NFATC2: variants seen among roughly 807,000 people sequenced by gnomAD.
NFATC2 encodes the protein nuclear factor of activated T cells 2.
NFATC2 carries 22 observed loss-of-function variants against 87.3 expected under a neutral mutation model. The ratio of observed to expected loss-of-function variants is 0.25; its 90% CI spans 0.18 to 0.36. The LOEUF (loss-of-function observed/expected upper bound fraction) is 0.36, where lower values mean the gene tolerates loss of function less well. Ranked by LOEUF, NFATC2 falls within the 10% of genes least tolerant of loss-of-function variation. The pLI is 1.00. For missense variants in NFATC2, 1,149 were observed against 1,259.1 expected (o/e 0.91, Z 1.32); for synonymous variants, 565 against 542.2 (o/e 1.04, Z -0.58).
chr20:51,560,077 A>T (rs965715053), intron 1 of NFATC2, among the ~76,000 whole-genome samples: 2 of 152,230 alleles, frequency 1.3e-5, no homozygotes, highest in Non-Finnish European at 2.9e-5. Context: ...CAGTTTCTCC[A>T]CAGCCTCAGT....
chr20:51,465,585 C>T (rs552704257), intron 5 of NFATC2, among the ~76,000 whole-genome samples: 1 of 152,232 alleles, frequency 6.6e-6, no homozygotes, highest in East Asian at 1.9e-4. Context: ...TGCCTCAGGG[C>T]CTTTGTACTG....
chr20:51,527,063 T>C (rs1048466968), intron 1 of NFATC2, among the ~76,000 whole-genome samples: 1 of 151,772 alleles, frequency 6.6e-6, no homozygotes, highest in Non-Finnish European at 1.5e-5. Context: ...CGGGCTCAGC[T>C]AATTTTTTTT....
chr20:51,508,583 C>T (rs920160092), intron 3 of NFATC2, among the ~76,000 whole-genome samples: 13 of 152,264 alleles, frequency 8.5e-5, no homozygotes, highest in African/African-American at 3.1e-4. Flanking sequence ...ACACACCCCG[C>T]TCTGCTACTC....
chr20:51,540,663 T>TTTTTTGTTTTGTTTG lies in NFATC2; in HGVS notation c.130+1706_130+1707insCAAACAAAACAAAAA, dbSNP rs1202461916. Among the ~76,000 whole-genome samples the TTTTTTGTTTTGTTTG allele has an allele frequency of 3.7e-5, 5 of 135,772 alleles. No homozygotes were observed. In the East Asian group the frequency reaches 9.2e-4, roughly 25 times the overall value. 89.1% of individuals were successfully genotyped at this position (135,772 alleles called of 152,430 possible). A position where few individuals can be genotyped will look rare whatever the true frequency, so the allele number is the denominator to read the frequency against. On this transcript the variant is annotated intron_variant, in intron 1 of 10. Coordinates refer to ENST00000371564, the MANE Select transcript of NFATC2 (RefSeq NM_012340.5). ...AAAACTGAAGTTTTTTTTTTGTTTT[T>TTTTTTGTTTTGTTTG]TTTTTTTTGAGAAAACAGATTCCAG...
upstream of NFATC2, among the ~76,000 whole-genome samples, chr20:51,545,517 G>C (rs139621130): frequency 6.6e-6 from 1 of 152,374 alleles, no homozygotes; most frequent in East Asian, 1.9e-4. Context: ...TGCAATGGAT[G>C]TGTGGATAAA....
At chr20:51,508,213 C>A (rs1445694481) in intron 3 of NFATC2, among the ~76,000 whole-genome samples, 5 of 152,084 alleles carry the variant, frequency 3.3e-5, no homozygotes, top group African/African-American at 1.2e-4. Flanking sequence ...AGTGAACCTC[C>A]GTGTCTTCAG....
upstream of NFATC2, among the ~76,000 whole-genome samples, chr20:51,543,321 C>T (rs2076855746): frequency 6.6e-6 from 1 of 152,206 alleles, no homozygotes; most frequent in African/African-American, 2.4e-5. Context: ...GAAGCTCAGG[C>T]TCTGGTAGTG....
chr20:51,519,082 C>T (rs2076399839), intron 2 of NFATC2, among the ~76,000 whole-genome samples: 1 of 152,104 alleles, frequency 6.6e-6, no homozygotes, highest in Non-Finnish European at 1.5e-5. Context: ...GTTACAGTGC[C>T]AACATGCTTT....
intron 5 of NFATC2, among the ~76,000 whole-genome samples, chr20:51,466,800 A>G (rs1437515728): frequency 6.6e-6 from 1 of 152,226 alleles, no homozygotes; most frequent in Non-Finnish European, 1.5e-5. Context: ...GGCTGGGCGC[A>G]GTGGCTCACG....
At chr20:51,392,929 A>T (rs1986538923) in intron 10 of NFATC2, among the ~76,000 whole-genome samples, 1 of 152,186 alleles carries the variant, frequency 6.6e-6, no homozygotes, top group African/African-American at 2.4e-5. Context: ...CTCTGACTGT[A>T]TGATGTTACC....
At chr20:51,414,809 G>A (rs1979808825) in intron 9 of NFATC2, among the ~76,000 whole-genome samples, 1 of 152,186 alleles carries the variant, frequency 6.6e-6, no homozygotes, top group African/African-American at 2.4e-5. Context: ...TCACAGCTGA[G>A]GGGTGGGCGA....
At chr20:51,517,990 C>A (rs568659181) in intron 2 of NFATC2, among the ~76,000 whole-genome samples, 10 of 151,868 alleles carry the variant, frequency 6.6e-5, no homozygotes, top group Admixed American at 2.0e-4. Context: ...CATCACTAAC[C>A]AAAATGTGAT....
In NFATC2 at chr20:51,475,665, T is replaced by G. The variant is rs906974832; in HGVS notation, c.1333-5A>C. On this transcript the variant is annotated splice_polypyrimidine_tract_variant and splice_region_variant and intron_variant, in intron 3 of 10. Transcript: ENST00000371564. ...GTTTTCCATGTAGCCATGGAGCTGG[T>G]GGGGGAGAAAACAAAATCATTAAGG... The G allele has an allele frequency of 1.9e-6, 3 of 1,613,636 alleles. No individual in the cohort carries two copies. Among genetic ancestry groups the G allele is most frequent in the Admixed American group, 1.7e-5 (1 of 59,968 alleles).
intron 10 of NFATC2, among the ~76,000 whole-genome samples, chr20:51,397,035 G>A (rs1409333978): frequency 3.5e-5 from 1 of 28,452 alleles, no homozygotes. Context: ...CCTCCTAAGG[G>A]AACCTGCCAC....
In NFATC2 at chr20:51,435,759, C is replaced by T. The variant is rs994964879; in HGVS notation, c.1852G>A (p.Gly618Arg). 32 of 1,601,278 alleles carry T rather than the reference C, an allele frequency of 2.0e-5. No individual in the cohort carries two copies. The highest frequency in any genetic ancestry group is 2.7e-5 in the Non-Finnish European group (32 of 1,173,018). ...KVVFTEKTTD[G>R]QQIWEMEATV... is the part of the protein sequence containing the mutation. ...GCTTCCATCTCCCAAATTTGCTGTC[C>T]ATCTAGAAAAATTCAAAAATGACAG... The change falls in exon 7 of 11, where the codon GGA (glycine) becomes AGA (arginine). Residue 618 changes from glycine (G) to arginine (R), a missense_variant and splice_region_variant. Gly to Arg is a moderately radical substitution (Grantham distance 125, BLOSUM62 -2). Transcript: ENST00000371564.
At position 51,510,889 on chromosome 20, in the gene NFATC2, CTT is replaced by C. The variant is rs564025290; in HGVS notation, c.1332+5893_1332+5894del. Among the ~76,000 whole-genome samples, 792 of 152,320 alleles carry C rather than the reference CTT, an allele frequency of 5.2e-3. 4 individuals carry two copies. Among genetic ancestry groups the C allele is most frequent in the African/African-American group, 0.018 (747 of 41,564 alleles). ...GAAATCATATAAATATAACCTCTCT[CTT>C]ATCTCCCTTCCTATTTGATAAACCT... On this transcript the variant is annotated intron_variant, in intron 3 of 10. Transcript: ENST00000371564.
intron 2 of NFATC2, among the ~76,000 whole-genome samples, chr20:51,521,510 G>T (rs1467571696): frequency 6.6e-6 from 1 of 152,168 alleles, no homozygotes; most frequent in Non-Finnish European, 1.5e-5. Flanking sequence ...TAATAGAGAT[G>T]GGGTTTCGCC....
intron 9 of NFATC2, among the ~76,000 whole-genome samples, chr20:51,399,434 T>C (rs1987741244): frequency 6.6e-6 from 1 of 152,238 alleles, no homozygotes. Flanking sequence ...TTAGAAATGT[T>C]TTCTGAGTCC....
At chr20:51,462,451 A>C (rs1987263152) in intron 5 of NFATC2, among the ~76,000 whole-genome samples, 1 of 152,190 alleles carries the variant, frequency 6.6e-6, no homozygotes, top group African/African-American at 2.4e-5. Context: ...GTCTCAAAAA[A>C]CTAAAAATAA....
Sources: gnomAD v4.1 joint callset for allele counts (sites outside exome capture counted in the v4.1 genomes callset) on GRCh38, gnomAD v4.1.1 for gene constraint, MANE v1.5 for transcripts, NCBI Gene and HGNC (gene_info 2026-07-23, HGNC 2026-07-21) for gene names.